The following FAF1 variants were observed in gnomAD, a reference collection of about 807,000 sequenced individuals.
FAF1 encodes the protein FAS-associated factor 1.
A neutral mutation model predicts 92.5 loss-of-function variants in FAF1; 25 were observed. The ratio of observed to expected loss-of-function variants is 0.27; its 90% CI spans 0.20 to 0.38. The LOEUF (loss-of-function observed/expected upper bound fraction) is 0.38. Ranked by LOEUF, FAF1 falls within the 10% of genes least tolerant of loss-of-function variation. FAF1 has a pLI of 1.00. For synonymous variants in FAF1, 234 were observed against 273.2 expected (o/e 0.86, Z 1.42); for missense variants, 636 against 793.3 (o/e 0.80, Z 2.38).
intron 1 of FAF1, among the ~76,000 whole-genome samples, chr1:50,955,002 G>A (rs751403794): frequency 6.6e-6 from 1 of 152,046 alleles, no homozygotes; most frequent in Non-Finnish European, 1.5e-5. Context: ...ACCCTGTCTC[G>A]CCAAAAAGAA....
intron 8 of FAF1, among the ~76,000 whole-genome samples, chr1:50,645,792 C>T (rs1429103389): frequency 6.6e-6 from 1 of 150,794 alleles, no homozygotes; most frequent in Non-Finnish European, 1.5e-5. Flanking sequence ...CACGCCACTG[C>T]AGTCCAGCCT....
chr1:50,636,379 CTTTTTTTTTT>C (rs1213567555), intron 8 of FAF1, among the ~76,000 whole-genome samples: 2 of 79,876 alleles, frequency 2.5e-5, no homozygotes. Flanking sequence ...GGGGCGTGTC[CTTTTTTTTTT>C]TTTTTTTTTT....
At chr1:50,878,606 A>C (rs1644588470) in intron 1 of FAF1, among the ~76,000 whole-genome samples, 1 of 152,190 alleles carries the variant, frequency 6.6e-6, no homozygotes, top group African/African-American at 2.4e-5. Context: ...AAACCCTTAC[A>C]CATTAGCAGC....
At chr1:50,710,759 C>A (rs142207006) in intron 6 of FAF1, among the ~76,000 whole-genome samples, 1 of 151,702 alleles carries the variant, frequency 6.6e-6, no homozygotes, top group Non-Finnish European at 1.5e-5. Flanking sequence ...TGTGCCACCA[C>A]GCCCGGCTAA....
chr1:50,619,330 C>G (rs891113745), intron 8 of FAF1, among the ~76,000 whole-genome samples: 1 of 152,132 alleles, frequency 6.6e-6, no homozygotes, highest in African/African-American at 2.4e-5. Flanking sequence ...TTTTCAGTGT[C>G]TGTGGGCTAT....
At chr1:50,618,038 TTC>T (rs893558682) in intron 8 of FAF1, among the ~76,000 whole-genome samples, 7 of 152,152 alleles carry the variant, frequency 4.6e-5, no homozygotes, top group African/African-American at 1.7e-4. Flanking sequence ...TATTTAGATC[TTC>T]TCTTTTTTCC....
At chr1:50,762,195 CA>C (rs1660355521) in intron 4 of FAF1, among the ~76,000 whole-genome samples, 1 of 152,050 alleles carries the variant, frequency 6.6e-6, no homozygotes, top group Admixed American at 6.6e-5. Flanking sequence ...AAAGAGGATA[CA>C]AACAAATGGA....
At chr1:50,570,209 T>G (rs1650368812) in intron 12 of FAF1, among the ~76,000 whole-genome samples, 1 of 152,124 alleles carries the variant, frequency 6.6e-6, no homozygotes, top group African/African-American at 2.4e-5. Context: ...CTAGGAAGAT[T>G]AAACATCCAT....
intron 12 of FAF1, among the ~76,000 whole-genome samples, chr1:50,577,840 A>T (rs1396170383): frequency 3.3e-5 from 5 of 152,216 alleles, no homozygotes; most frequent in Non-Finnish European, 7.3e-5. Context: ...TAAAAGAAAC[A>T]TGAAAACTTA....
chr1:50,570,115 ACTCAGTG>A (rs1400794755), intron 12 of FAF1, among the ~76,000 whole-genome samples: 1 of 152,146 alleles, frequency 6.6e-6, no homozygotes, highest in Non-Finnish European at 1.5e-5. Flanking sequence ...AGATGTGTTT[ACTCAGTG>A]ATTAGGCCCT....
chr1:50,521,246 G>A (rs1398602089), intron 15 of FAF1, among the ~76,000 whole-genome samples: 1 of 151,984 alleles, frequency 6.6e-6, no homozygotes, highest in Non-Finnish European at 1.5e-5. Flanking sequence ...TAGTAAACAA[G>A]GTAAAGGTAC....
At chr1:50,837,203 A>G (rs534237472) in intron 2 of FAF1, among the ~76,000 whole-genome samples, 3 of 152,092 alleles carry the variant, frequency 2.0e-5, no homozygotes, top group African/African-American at 4.8e-5. Context: ...TGATCTGCCC[A>G]TCTTGGCCTC....
At chr1:50,602,332 T>C (rs538729220) in intron 8 of FAF1, among the ~76,000 whole-genome samples, 1 of 152,322 alleles carries the variant, frequency 6.6e-6, no homozygotes, top group Admixed American at 6.5e-5. Flanking sequence ...TACCGGATAT[T>C]AGCACTGACT....
At chr1:50,505,283 T>C (rs1017148669) in intron 15 of FAF1, among the ~76,000 whole-genome samples, 3 of 152,082 alleles carry the variant, frequency 2.0e-5, no homozygotes, top group Admixed American at 1.3e-4. Context: ...CAAATGGACA[T>C]GGAAATTCCT....
intron 18 of FAF1, among the ~76,000 whole-genome samples, chr1:50,449,489 C>CT (rs373425527): frequency 0.014 from 1,732 of 124,574 alleles, 19 homozygotes; most frequent in South Asian, 0.03. Flanking sequence ...CTTTTTCTTT[C>CT]TTTTTTTTTT....
chr1:50,724,880 C>T (rs1658579656), intron 6 of FAF1, among the ~76,000 whole-genome samples: 1 of 152,160 alleles, frequency 6.6e-6, no homozygotes, highest in Non-Finnish European at 1.5e-5. Context: ...GATCTCTAAG[C>T]TGTCTTTCCA....
intron 8 of FAF1, among the ~76,000 whole-genome samples, chr1:50,615,275 C>T (rs1451208343): frequency 6.6e-6 from 1 of 152,194 alleles, no homozygotes; most frequent in East Asian, 1.9e-4. Context: ...TTTTCTTTAT[C>T]CAATCCACCA....
chr1:50,467,565 G>A (rs1045754034), intron 18 of FAF1, among the ~76,000 whole-genome samples: 5 of 151,972 alleles, frequency 3.3e-5, no homozygotes, highest in African/African-American at 9.7e-5. Context: ...TGCCCTCCTC[G>A]GCATCCCAAA....
At chr1:50,958,539 G>T (rs1645288679) in intron 1 of FAF1, among the ~76,000 whole-genome samples, 1 of 152,034 alleles carries the variant, frequency 6.6e-6, no homozygotes, top group South Asian at 2.1e-4. Flanking sequence ...TTAGCCAGGC[G>T]TGGTGGCCGG....
Sources: allele counts gnomAD v4.1 joint callset (sites outside exome capture counted in the v4.1 genomes callset), GRCh38; gene constraint gnomAD v4.1.1; transcripts MANE v1.5; gene names NCBI Gene and HGNC (gene_info 2026-07-23, HGNC 2026-07-21).